Variants in TMEM272 observed in about 807,000 individuals in gnomAD.
TMEM272 encodes transmembrane protein 272, also known as long intergenic non-protein coding RNA 282.
Under a neutral mutation model 3.7 loss-of-function variants are expected in TMEM272, and 8 were observed. The observed-to-expected ratio is 2.17, with a 90% confidence interval of 1.27 to 3.91. TMEM272 has a LOEUF of 3.91. Ranked by LOEUF, TMEM272 falls within the 30% of genes most tolerant of loss-of-function variation. TMEM272 has a pLI of 0.00. For missense variants in TMEM272, 166 were observed against 91.5 expected, an observed-to-expected ratio of 1.81 and a Z score of -3.32; for synonymous variants, 63 against 39.8, an observed-to-expected ratio of 1.58 and a Z score of -2.20.
intron 2 of TMEM272, among the ~76,000 whole-genome samples, chr13:51,836,114 G>A (rs749037761): frequency 2.3e-4 from 35 of 152,330 alleles, no homozygotes; most frequent in Non-Finnish European, 4.9e-4. Context: ...GGGAAGTGGA[G>A]CTTAAATGAG....
upstream of TMEM272, among the ~76,000 whole-genome samples, chr13:51,846,681 C>T (rs936245673): frequency 2.0e-5 from 3 of 152,080 alleles, no homozygotes; most frequent in South Asian, 6.2e-4. Context: ...CCTGTTATTG[C>T]CCCTGAAGAA....
intron 2 of TMEM272, among the ~76,000 whole-genome samples, chr13:51,831,773 C>T (rs568183041): frequency 5.2e-4 from 79 of 152,344 alleles, no homozygotes; most frequent in African/African-American, 1.9e-3. Flanking sequence ...GCGATTGCAG[C>T]GGCTTGACAG....
At chr13:51,931,854 G>C in the TMEM272 span, among the ~76,000 whole-genome samples, 1 of 152,110 alleles carries the variant, frequency 6.6e-6, no homozygotes, top group Admixed American at 6.6e-5. Flanking sequence ...TGAGCCATGA[G>C]ATAATCACCT....
At chr13:51,921,844 G>C in the TMEM272 span, among the ~76,000 whole-genome samples, 3 of 152,182 alleles carry the variant, frequency 2.0e-5, no homozygotes, top group Non-Finnish European at 4.4e-5. Flanking sequence ...CATTTTCTCA[G>C]AAACTCAACC....
chr13:51,880,626 AT>A, the TMEM272 span, among the ~76,000 whole-genome samples: 1 of 67,878 alleles, frequency 1.5e-5, no homozygotes, highest in African/African-American at 5.0e-5. Context: ...AAATAAAAAA[AT>A]TGACAAAATA....
At chr13:51,927,802 T>C in the TMEM272 span, among the ~76,000 whole-genome samples, 2 of 152,186 alleles carry the variant, frequency 1.3e-5, no homozygotes, top group African/African-American at 2.4e-5. Flanking sequence ...GCCATTCTAA[T>C]GATGACTGCC....
the TMEM272 span, among the ~76,000 whole-genome samples, chr13:51,896,966 C>G: frequency 1.3e-5 from 2 of 152,166 alleles, no homozygotes; most frequent in Non-Finnish European, 2.9e-5. Flanking sequence ...TGCCGCAGTT[C>G]CATGTACACC....
the TMEM272 span, among the ~76,000 whole-genome samples, chr13:51,850,691 C>T: frequency 2.0e-5 from 3 of 152,008 alleles, no homozygotes; most frequent in South Asian, 4.2e-4. Context: ...ATCATGAGTA[C>T]TTTTTGATAT....
At chr13:51,885,826 C>G in the TMEM272 span, among the ~76,000 whole-genome samples, 1 of 152,198 alleles carries the variant, frequency 6.6e-6, no homozygotes, top group South Asian at 2.1e-4. Context: ...GACCACATTA[C>G]CAAACCACAG....
the TMEM272 span, chr13:51,910,318 C>G: frequency 7.3e-7 from 1 of 1,376,016 alleles, no homozygotes. Context: ...CCTTCATACT[C>G]TTTTTGAACA....
At chr13:51,874,914 T>C in the TMEM272 span, among the ~76,000 whole-genome samples, 1 of 152,220 alleles carries the variant, frequency 6.6e-6, no homozygotes, top group Admixed American at 6.5e-5. Context: ...CGTGACAGCC[T>C]GACTGGGGTT....
At chr13:51,838,243 T>A (rs910607878) in intron 2 of TMEM272, among the ~76,000 whole-genome samples, 2 of 152,116 alleles carry the variant, frequency 1.3e-5, no homozygotes, top group African/African-American at 2.4e-5. Context: ...ACATATTACA[T>A]GGAAAACACA....
At chr13:51,893,934 T>G in the TMEM272 span, among the ~76,000 whole-genome samples, 51,518 of 152,008 alleles carry the variant, frequency 0.34, 8,879 homozygotes, top group East Asian at 0.45. Context: ...ATCACAATAG[T>G]AATAAATGAT....
At chr13:51,888,646 T>C in the TMEM272 span, among the ~76,000 whole-genome samples, 31 of 104,660 alleles carry the variant, frequency 3.0e-4, no homozygotes, top group African/African-American at 5.2e-4. Flanking sequence ...TTTCTTTTTT[T>C]TTTTTTTTTT....
the TMEM272 span, among the ~76,000 whole-genome samples, chr13:51,914,929 A>C: frequency 6.6e-6 from 1 of 152,228 alleles, no homozygotes; most frequent in Admixed American, 6.5e-5. Context: ...TCAAGAATCG[A>C]TTCAGGTTTT....
chr13:51,869,710 C>A, the TMEM272 span, among the ~76,000 whole-genome samples: 1 of 151,880 alleles, frequency 6.6e-6, no homozygotes, highest in African/African-American at 2.4e-5. Flanking sequence ...GGCTGGTCTC[C>A]AACTCCTGAC....
chr13:51,848,149 G>A (rs995538158), upstream of TMEM272, among the ~76,000 whole-genome samples: 16 of 152,208 alleles, frequency 1.1e-4, no homozygotes, highest in African/African-American at 2.7e-4. Context: ...GCACGATGTC[G>A]TGGTGGAGTA....
the TMEM272 span, among the ~76,000 whole-genome samples, chr13:51,876,070 G>T: frequency 6.6e-6 from 1 of 152,120 alleles, no homozygotes; most frequent in African/African-American, 2.4e-5. Context: ...TTCATCCTCA[G>T]CCCTGTGCCC....
the TMEM272 span, among the ~76,000 whole-genome samples, chr13:51,859,363 GA>G: frequency 6.6e-6 from 1 of 152,032 alleles, no homozygotes; most frequent in East Asian, 1.9e-4. Context: ...ACATGGCTGA[GA>G]AAGACCTGAG....
Sources: gnomAD v4.1 joint callset for allele counts (sites outside exome capture counted in the v4.1 genomes callset) on GRCh38, gnomAD v4.1.1 for gene constraint, MANE v1.5 for transcripts, NCBI Gene and HGNC (gene_info 2026-07-23, HGNC 2026-07-21) for gene names.